The following CEP57 variants were observed in gnomAD, a reference collection of about 807,000 sequenced individuals.
CEP57 encodes the protein centrosomal protein 57.
CEP57 carries 40 observed loss-of-function variants against 68.0 expected under a neutral mutation model. That is an observed-to-expected ratio of 0.59 (90% CI 0.46 to 0.77). CEP57 has a LOEUF of 0.77. CEP57 is among the 30% of genes least tolerant of loss of function. CEP57 has a pLI of 0.00. For missense variants in CEP57, 606 were observed against 580.7 expected (o/e 1.04, Z -0.45); for synonymous variants, 219 against 198.7 (o/e 1.10, Z -0.86).
At chr11:95,794,823 A>G (rs527685749) in intron 1 of CEP57, among the ~76,000 whole-genome samples, 1 of 152,136 alleles carries the variant, frequency 6.6e-6, no homozygotes, top group South Asian at 2.1e-4. Flanking sequence ...GAAGCCTTTT[A>G]TGTCCTTAAT....
At position 95,813,125 on chromosome 11, in the gene CEP57, G is replaced by T. The variant is rs1451714366; in HGVS notation, c.382+14G>T. On this transcript the variant is annotated intron_variant, in intron 3 of 10. Transcript: ENST00000325542. ...AGCACAATCAAGGTTTGTTGATGAA[G>T]AAAATTAAAATTCTATCAAAATAAG... The T allele has an allele frequency of 1.9e-6, 3 of 1,609,304 alleles. No homozygotes were observed. Among genetic ancestry groups the T allele is most frequent in the Non-Finnish European group, 2.5e-6 (3 of 1,177,990 alleles).
intron 1 of CEP57, among the ~76,000 whole-genome samples, chr11:95,793,522 A>T (rs186466316): frequency 1.4e-5 from 2 of 147,118 alleles, no homozygotes; most frequent in Admixed American, 1.4e-4. Flanking sequence ...ACTTTTTGAG[A>T]ATAATAAAAT....
chr11:95,823,816 G>T (rs1441158231), intron 8 of CEP57, among the ~76,000 whole-genome samples: 1 of 152,102 alleles, frequency 6.6e-6, no homozygotes, highest in Non-Finnish European at 1.5e-5. Context: ...CCAGTCAATT[G>T]TGTATCACAG....
chr11:95,815,600 G>A (rs1862267992), intron 4 of CEP57, among the ~76,000 whole-genome samples: 1 of 151,772 alleles, frequency 6.6e-6, no homozygotes, highest in Non-Finnish European at 1.5e-5. Context: ...TTCCTCAGTT[G>A]TGTGGGCAGC....
At chr11:95,792,756 G>A (rs554842442) in intron 1 of CEP57, among the ~76,000 whole-genome samples, 2 of 152,168 alleles carry the variant, frequency 1.3e-5, no homozygotes, top group South Asian at 4.2e-4. Context: ...TGTCTATTTT[G>A]GAAGTTACTG....
At chr11:95,790,449 G>A (rs1456941877), upstream of CEP57, 18 of 582,876 alleles carry the variant, frequency 3.1e-5, no homozygotes, top group Non-Finnish European at 4.9e-5. Flanking sequence ...ACAGAAAGAC[G>A]TCTGCTGTTT....
chr11:95,812,148 GTA>G (rs1467271787), intron 2 of CEP57, among the ~76,000 whole-genome samples: 1 of 152,092 alleles, frequency 6.6e-6, no homozygotes, highest in Non-Finnish European at 1.5e-5. Context: ...GATTTTAAAA[GTA>G]TTATTTTTGT....
Position 95,821,928 on chromosome 11 carries a change from G to A in CEP57, c.757G>A (p.Val253Ile). Residue 253 changes from valine (V) to isoleucine (I), a missense_variant, in exon 7 of 11, where the codon GTT becomes ATT. By Grantham distance (29) the Val-to-Ile change is conservative (BLOSUM62 3). Coordinates refer to ENST00000325542, the MANE Select transcript of CEP57 (RefSeq NM_014679.5). ...CTTTGAAGATAAGGCAACTCCGTGT[G>A]TTCCCAATGCAAGAAGAATTAAAAA... is the stretch of plus-strand genomic sequence containing the variant. ...LIFEDKATPC[V>I]PNARRIKKKK... 1 of 1,612,768 alleles carries A rather than the reference G, an allele frequency of 6.2e-7. No individual in the cohort carries two copies. Among genetic ancestry groups the A allele is most frequent in the South Asian group, 1.1e-5 (1 of 91,036 alleles).
At chr11:95,806,283 C>T (rs1457948333) in intron 2 of CEP57, among the ~76,000 whole-genome samples, 2 of 152,160 alleles carry the variant, frequency 1.3e-5, no homozygotes, top group African/African-American at 4.8e-5. Context: ...ATAGGAACAG[C>T]TCCAGTCTAC....
In CEP57 at chr11:95,790,761, C is replaced by G; in HGVS notation, c.45+18C>G. 1 of 1,613,758 alleles carries G rather than the reference C, an allele frequency of 6.2e-7. No individual in the cohort carries two copies. The highest frequency in any genetic ancestry group is 8.5e-7 in the Non-Finnish European group (1 of 1,179,886). ...ACTTGTCGGTAAGAAGCAGTTGGCG[C>G]GAGTGGGCCCCACGTCGGCCCTAAG... On this transcript the variant is annotated intron_variant, in intron 1 of 10. Transcript: ENST00000325542.
At chr11:95,803,140 G>A (rs1195898586) in intron 2 of CEP57, among the ~76,000 whole-genome samples, 1 of 152,130 alleles carries the variant, frequency 6.6e-6, no homozygotes, top group Non-Finnish European at 1.5e-5. Flanking sequence ...TTGTTGTGGG[G>A]AATGAGGAAG....
At chr11:95,810,875 A>C (rs923781646) in intron 2 of CEP57, among the ~76,000 whole-genome samples, 4 of 152,222 alleles carry the variant, frequency 2.6e-5, no homozygotes, top group African/African-American at 9.6e-5. Context: ...ACCAAAAAAA[A>C]CAGCCCACAT....
At chr11:95,796,735 A>C (rs530822001) in intron 1 of CEP57, among the ~76,000 whole-genome samples, 1 of 152,336 alleles carries the variant, frequency 6.6e-6, no homozygotes, top group Non-Finnish European at 1.5e-5. Flanking sequence ...GCTCCGTTTC[A>C]CAAGACTGCC....
At chr11:95,812,625 G>A (rs2135316847) in intron 2 of CEP57, among the ~76,000 whole-genome samples, 1 of 151,746 alleles carries the variant, frequency 6.6e-6, no homozygotes, top group South Asian at 2.1e-4. Context: ...TTTATTTTTA[G>A]TAGTGACAGG....
intron 2 of CEP57, among the ~76,000 whole-genome samples, chr11:95,804,281 A>G (rs1326504054): frequency 6.6e-6 from 1 of 152,230 alleles, no homozygotes; most frequent in Non-Finnish European, 1.5e-5. Context: ...CTAAATAAAA[A>G]CAAATAATAC....
At chr11:95,819,446 CA>C (rs1565327668) in intron 6 of CEP57, among the ~76,000 whole-genome samples, 2 of 152,164 alleles carry the variant, frequency 1.3e-5, no homozygotes, top group Non-Finnish European at 2.9e-5. Flanking sequence ...TGTGGATTCA[CA>C]AAAGCATTGA....
chr11:95,821,776 C>T, intron 6 of CEP57, 95 bp from the exon 7 acceptor site: 1 of 795,152 alleles, frequency 1.3e-6, no homozygotes, highest in Non-Finnish European at 2.2e-6. Context: ...TAGATACTAC[C>T]ATTGGTTTTT....
At chr11:95,813,922 G>A (rs607039) in intron 4 of CEP57, among the ~76,000 whole-genome samples, 42,386 of 152,122 alleles carry the variant, frequency 0.28, 7,078 homozygotes, top group Non-Finnish European at 0.38. Flanking sequence ...GATAGTAGAT[G>A]ACTTTGTAAA....
chr11:95,822,655 C>T, intron 8 of CEP57, 79 bp downstream of exon 8: 1 of 851,618 alleles, frequency 1.2e-6, no homozygotes, highest in Non-Finnish European at 1.9e-6. Flanking sequence ...AGTATGTCTA[C>T]AAATGGAAGG....
Sources: gnomAD v4.1 joint callset for allele counts (sites outside exome capture counted in the v4.1 genomes callset) on GRCh38, gnomAD v4.1.1 for gene constraint, MANE v1.5 for transcripts, NCBI Gene and HGNC (gene_info 2026-07-23, HGNC 2026-07-21) for gene names.